PTPRS: variants seen among roughly 807,000 people sequenced by gnomAD.
The protein encoded by PTPRS is receptor-type tyrosine-protein phosphatase S.
A neutral mutation model predicts 215.3 loss-of-function variants in PTPRS; 63 were observed. The ratio of observed to expected loss-of-function variants is 0.29; its 90% CI spans 0.24 to 0.36. The LOEUF (loss-of-function observed/expected upper bound fraction) is 0.36. Among genes scored for constraint, PTPRS ranks in the 10% least tolerant of loss-of-function variants. The pLI, the probability that PTPRS is intolerant of heterozygous loss-of-function variation, is 1.00. For synonymous variants in PTPRS, 1,404 were observed against 1,191.4 expected (o/e 1.18, Z -3.68); for missense variants, 2,258 against 2,825.8 (o/e 0.80, Z 4.56).
chr19:5,337,555 C>T (rs2050545417), intron 1 of PTPRS, among the ~76,000 whole-genome samples: 1 of 152,200 alleles, frequency 6.6e-6, no homozygotes, highest in African/African-American at 2.4e-5. Context: ...AACGCCAACC[C>T]CGAAGGCAGA....
intron 4 of PTPRS, among the ~76,000 whole-genome samples, chr19:5,270,036 G>A (rs116945737): frequency 0.038 from 5,710 of 152,106 alleles, 149 homozygotes; most frequent in Middle Eastern, 0.096. Context: ...TACCCTGAGT[G>A]CTCAGAGTGC....
At chr19:5,313,961 TAATA>T (rs1293830123) in intron 1 of PTPRS, among the ~76,000 whole-genome samples, 1 of 148,716 alleles carries the variant, frequency 6.7e-6, no homozygotes, top group East Asian at 2.0e-4. Context: ...ATAATAATAA[TAATA>T]ATAATAAATA....
intron 16 of PTPRS, among the ~76,000 whole-genome samples, chr19:5,226,165 C>T (rs2042479519): frequency 6.6e-6 from 1 of 152,212 alleles, no homozygotes; most frequent in Admixed American, 6.5e-5. Flanking sequence ...GCACTGGAGT[C>T]AGGGTCCGTC....
rs200434493 is a variant in PTPRS, at chr19:5,264,992, A to G, written c.568+16T>C. 6.8e-6 allele frequency: 11 copies of G among 1,612,878 alleles called. No individual in the cohort carries two copies. The East Asian group carries it at 2.5e-4, about 36-fold the overall frequency. ...CCCTCCAAGGCTCCCACGTCCTGTC[A>G]GCCACCCTCACTCACCTGATCGCAG... On this transcript the variant is annotated intron_variant, in intron 5 of 37. Coordinates refer to ENST00000262963, the MANE Select transcript of PTPRS (RefSeq NM_002850.4).
chr19:5,326,840 G>T (rs976801460), intron 1 of PTPRS, among the ~76,000 whole-genome samples: 1 of 151,872 alleles, frequency 6.6e-6, no homozygotes, highest in Non-Finnish European at 1.5e-5. Flanking sequence ...AAGAGAGAAA[G>T]AAAGAAAAAG....
At chr19:5,229,399 G>A in intron 15 of PTPRS, 57 bp from the exon 16 acceptor site, 3 of 1,357,810 alleles carry the variant, frequency 2.2e-6, no homozygotes, top group East Asian at 2.9e-5. Context: ...GGGGAGGCCA[G>A]AGATGGAGAA....
Position 5,215,403 on chromosome 19 carries a change from G to A in PTPRS, c.4204C>T (p.Pro1402Ser), listed in dbSNP as rs1455732532. The A allele has an allele frequency of 6.2e-7, 1 of 1,613,990 alleles. No homozygotes were observed. The highest frequency in any genetic ancestry group is 8.5e-7 in the Non-Finnish European group (1 of 1,180,014). Residue 1402 changes from proline to serine, a missense_variant, in exon 28 of 38, where the codon CCT (proline) becomes TCT (serine). Coordinates refer to ENST00000262963, the MANE Select transcript of PTPRS (RefSeq NM_002850.4). ...TGTTCCCATGTGAACTGCTGTCCAG[G>A]GTCGATGGACTACAGAGGAAGGGGA... is the stretch of plus-strand genomic sequence containing the variant. ...KLSQEYESID[P>S]GQQFTWEHSN...
intron 11 of PTPRS, 39 bp downstream of exon 11, chr19:5,243,862 A>G: frequency 7.0e-7 from 1 of 1,433,132 alleles, no homozygotes; most frequent in Non-Finnish European, 9.2e-7. Context: ...ACCAAGCCGC[A>G]CGGCCGGGGC....
At chr19:5,269,344 G>A (rs534798768) in intron 4 of PTPRS, among the ~76,000 whole-genome samples, 4 of 152,110 alleles carry the variant, frequency 2.6e-5, no homozygotes, top group South Asian at 2.1e-4. Context: ...CGTACATCGC[G>A]AACCACACTC....
intron 1 of PTPRS, among the ~76,000 whole-genome samples, chr19:5,308,798 T>C (rs774654803): frequency 6.6e-6 from 1 of 152,238 alleles, no homozygotes; most frequent in South Asian, 2.1e-4. Context: ...ATGGCTTTTA[T>C]GGTAATCAGC....
In PTPRS at chr19:5,205,986, A is replaced by G. The variant is rs890419437; in HGVS notation, c.*788T>C. Among the ~76,000 whole-genome samples the G allele has an allele frequency of 6.6e-6, 1 of 151,902 alleles. No homozygotes were observed. The highest frequency in any genetic ancestry group is 1.5e-5 in the Non-Finnish European group (1 of 67,996). ...TAAAAATGAAACAAAAAGGGGGAAA[A>G]AAAAAGCCAAGAAAGAAAAAAGGAC... On this transcript the variant is annotated 3_prime_UTR_variant, in exon 38 of 38. Coordinates refer to ENST00000262963, the MANE Select transcript of PTPRS (RefSeq NM_002850.4).
In PTPRS at chr19:5,300,296, C is replaced by A. The variant is rs560040252; in HGVS notation, c.-94-14062G>T. ...ATTAAATAAAATTTAAAATTCTGCT[C>A]CTCAAGTCACACCGGCCACATTTCC... is the stretch of plus-strand genomic sequence containing the variant. On this transcript the variant is annotated intron_variant, in intron 1 of 37. Transcript: ENST00000262963. Among the ~76,000 whole-genome samples the A allele has an allele frequency of 4.4e-4, 65 of 148,332 alleles. 1 individual carries two copies. The highest frequency in any genetic ancestry group is 1.5e-3 in the African/African-American group (59 of 39,446).
chr19:5,225,870 C>A (rs767411987), intron 16 of PTPRS, 26 bp from the exon 17 acceptor site: 2 of 1,596,680 alleles, frequency 1.3e-6, no homozygotes, highest in East Asian at 4.5e-5. Flanking sequence ...GGGGTCAGCA[C>A]GACGGCTGGG....
At chr19:5,250,834 G>A (rs991146816) in intron 9 of PTPRS, among the ~76,000 whole-genome samples, 1 of 151,578 alleles carries the variant, frequency 6.6e-6, no homozygotes, top group African/African-American at 2.4e-5. Context: ...GTAAAGGGGA[G>A]GAAGGAAACT....
chr19:5,240,562 G>A (rs373207147), intron 11 of PTPRS, among the ~76,000 whole-genome samples: 8 of 152,126 alleles, frequency 5.3e-5, no homozygotes, highest in South Asian at 2.1e-4. Flanking sequence ...CCTTTCGGCC[G>A]GGCACGGTGG....
At chr19:5,232,605 G>A (rs2043109233) in intron 13 of PTPRS, among the ~76,000 whole-genome samples, 1 of 148,352 alleles carries the variant, frequency 6.7e-6, no homozygotes, top group Admixed American at 6.7e-5. Context: ...CAAGGGGAAT[G>A]GCAACAGAAG....
At chr19:5,262,846 C>T in intron 6 of PTPRS, 118 bp downstream of exon 6, 1 of 1,138,040 alleles carries the variant, frequency 8.8e-7, no homozygotes, top group African/African-American at 1.5e-5. Flanking sequence ...ACATACCAGG[C>T]AGAGTGGGTC....
At chr19:5,262,640 G>C (rs977281015) in intron 6 of PTPRS, among the ~76,000 whole-genome samples, 3 of 152,228 alleles carry the variant, frequency 2.0e-5, no homozygotes, top group Non-Finnish European at 4.4e-5. Flanking sequence ...GAAGTTCCAT[G>C]AGCCCGAGGA....
intron 1 of PTPRS, among the ~76,000 whole-genome samples, chr19:5,336,803 G>A (rs536483715): frequency 6.6e-6 from 1 of 151,840 alleles, no homozygotes; most frequent in East Asian, 1.9e-4. Context: ...GGGCGGCGGC[G>A]GGTGGTGGGG....
Sources: gnomAD v4.1 joint callset for allele counts (sites outside exome capture counted in the v4.1 genomes callset) on GRCh38, gnomAD v4.1.1 for gene constraint, MANE v1.5 for transcripts, NCBI Gene and HGNC (gene_info 2026-07-23, HGNC 2026-07-21) for gene names.